The following CCNB3 variants were observed in gnomAD, a reference collection of about 807,000 sequenced individuals.
CCNB3 encodes G2/mitotic-specific cyclin-B3.
CCNB3 carries 12 observed loss-of-function variants against 68.0 expected under a neutral mutation model. That is an observed-to-expected ratio of 0.18 (90% CI 0.11 to 0.29). CCNB3 has a LOEUF of 0.29. Ranked by LOEUF, CCNB3 falls within the 10% of genes least tolerant of loss-of-function variation. The probability of loss-of-function intolerance (pLI) is 1.00; values close to 1 mark genes in which losing one functional copy is unlikely to be tolerated. For synonymous variants in CCNB3, 354 were observed against 388.9 expected, an observed-to-expected ratio of 0.91 and a Z score of 1.06; for missense variants, 904 against 993.1, an observed-to-expected ratio of 0.91 and a Z score of 1.21.
chrX:50,321,097 A>G (rs1324141234), intron 8 of CCNB3, among the ~76,000 whole-genome samples: 1 of 111,762 alleles, frequency 8.9e-6, no homozygotes, highest in Non-Finnish European at 1.9e-5. Context: ...ATGACTAGGA[A>G]TAGGATTATT....
intron 9 of CCNB3, among the ~76,000 whole-genome samples, chrX:50,345,480 C>G (rs1923356773): frequency 9.1e-6 from 1 of 109,842 alleles, no homozygotes; most frequent in Non-Finnish European, 1.9e-5. Context: ...CTCTCTCCCT[C>G]CCTCACCTGC....
At chrX:50,351,584 G>GGAGACCCCTCTTCC (rs1557221181) in intron 12 of CCNB3, 23 bp from the exon 13 acceptor site, 1 of 1,185,365 alleles carries the variant, frequency 8.4e-7, no homozygotes, top group Admixed American at 2.2e-5. Context: ...TCTATGCTGA[G>GGAGACCCCTCTTCC]GAGACCCCTC....
At chrX:50,279,507 GTAT>G (rs1302190414) in intron 1 of CCNB3, among the ~76,000 whole-genome samples, 1 of 78,358 alleles carries the variant, frequency 1.3e-5, no homozygotes, top group African/African-American at 4.9e-5. Context: ...ATATATGAAT[GTAT>G]TTATTCATAT....
chrX:50,227,954 A>AAT (rs1389352381), intron 1 of CCNB3, among the ~76,000 whole-genome samples: 2 of 86,567 alleles, frequency 2.3e-5, no homozygotes, highest in East Asian at 6.6e-4. Flanking sequence ...ATATAGAGAG[A>AAT]ATATATATAT....
intron 1 of CCNB3, among the ~76,000 whole-genome samples, chrX:50,216,520 G>A (rs1040094356): frequency 0.024 from 2,571 of 109,300 alleles, 65 homozygotes; most frequent in African/African-American, 0.082. Flanking sequence ...CGCTCGCCTC[G>A]GCCTCCTAAA....
At chrX:50,209,085 G>C (rs1191986947) in intron 1 of CCNB3, among the ~76,000 whole-genome samples, 2 of 110,170 alleles carry the variant, frequency 1.8e-5, no homozygotes, top group African/African-American at 3.3e-5. Context: ...GGAATCCCTT[G>C]TTTTATTTCT....
chrX:50,341,587 A>G (rs1215252475), intron 8 of CCNB3: 1 of 109,825 alleles, frequency 9.1e-6, no homozygotes, highest in Admixed American at 9.7e-5. Context: ...TGAAAAGATA[A>G]ATAAAATTGA....
chrX:50,228,310 A>T (rs1321542190), intron 1 of CCNB3, among the ~76,000 whole-genome samples: 1 of 94,026 alleles, frequency 1.1e-5, no homozygotes, highest in Non-Finnish European at 2.1e-5. Context: ...TATAGAGAAT[A>T]TATATGAATA....
intron 1 of CCNB3, among the ~76,000 whole-genome samples, chrX:50,216,449 T>C (rs1293333722): frequency 9.1e-6 from 1 of 109,356 alleles, no homozygotes; most frequent in Non-Finnish European, 1.9e-5. Context: ...TTTGTATTTT[T>C]AGTAGAGACA....
At chrX:50,289,189 C>T (rs184626519) in intron 4 of CCNB3, among the ~76,000 whole-genome samples, 10 of 110,811 alleles carry the variant, frequency 9.0e-5, no homozygotes, top group African/African-American at 2.0e-4. Context: ...CCCAGGCCTT[C>T]GAGGTAAGTA....
At chrX:50,298,883 T>G (rs1453517947) in intron 5 of CCNB3, among the ~76,000 whole-genome samples, 2 of 112,146 alleles carry the variant, frequency 1.8e-5, no homozygotes, top group African/African-American at 3.2e-5. Flanking sequence ...GTCGAAAAAT[T>G]TATCCATTTC....
At chrX:50,212,300 T>C (rs1935496722) in intron 1 of CCNB3, among the ~76,000 whole-genome samples, 1 of 111,459 alleles carries the variant, frequency 9.0e-6, no homozygotes, top group South Asian at 3.8e-4. Flanking sequence ...GTGGTAATGG[T>C]TCTTGAAGAA....
At chrX:50,326,775 C>T (rs1922315722) in intron 8 of CCNB3, among the ~76,000 whole-genome samples, 1 of 111,383 alleles carries the variant, frequency 9.0e-6, no homozygotes, top group Non-Finnish European at 1.9e-5. Context: ...AAAAAGATTG[C>T]ATAAATAGAC....
intron 1 of CCNB3, among the ~76,000 whole-genome samples, chrX:50,227,642 TAG>T (rs1346832067): frequency 1.0e-4 from 9 of 87,221 alleles, no homozygotes; most frequent in Non-Finnish European, 1.5e-4. Flanking sequence ...TACATATATA[TAG>T]AGAGAATATA....
At chrX:50,227,178 A>G (rs1249611781) in intron 1 of CCNB3, among the ~76,000 whole-genome samples, 2 of 83,233 alleles carry the variant, frequency 2.4e-5, no homozygotes, top group East Asian at 3.5e-4. Context: ...TATATAGAAT[A>G]TAAGTATAAA....
chrX:50,297,317 G>A (rs1187738818), intron 5 of CCNB3, among the ~76,000 whole-genome samples: 1 of 111,694 alleles, frequency 9.0e-6, no homozygotes, highest in Admixed American at 9.5e-5. Context: ...TAAGGTGAAA[G>A]GAAGGGATCC....
At chrX:50,279,580 A>T (rs1297696262) in intron 1 of CCNB3, among the ~76,000 whole-genome samples, 1 of 87,836 alleles carries the variant, frequency 1.1e-5, no homozygotes, top group Non-Finnish European at 2.1e-5. Flanking sequence ...TTCTATATAT[A>T]AATATATATT....
chrX:50,206,607 A>T (rs1935370633), intron 1 of CCNB3, among the ~76,000 whole-genome samples: 1 of 108,900 alleles, frequency 9.2e-6, no homozygotes, highest in African/African-American at 3.4e-5. Context: ...TAAAAATGAA[A>T]TATAGTATTA....
At chrX:50,218,273 A>G (rs1468216860) in intron 1 of CCNB3, among the ~76,000 whole-genome samples, 2 of 111,538 alleles carry the variant, frequency 1.8e-5, no homozygotes, top group Non-Finnish European at 3.8e-5. Context: ...TTTATTGATC[A>G]TAGAGTTCTC....
Sources: gnomAD v4.1 joint callset for allele counts (sites outside exome capture counted in the v4.1 genomes callset) on GRCh38, gnomAD v4.1.1 for gene constraint, MANE v1.5 for transcripts, NCBI Gene and HGNC (gene_info 2026-07-23, HGNC 2026-07-21) for gene names.